MGAT5: variants seen among roughly 807,000 people sequenced by gnomAD.
MGAT5 encodes the protein alpha-1,6-mannosylglycoprotein 6-beta-N-acetylglucosaminyltransferase A.
Under a neutral mutation model 94.3 loss-of-function variants are expected in MGAT5, and 30 were observed. That is an observed-to-expected ratio of 0.32 (90% CI 0.24 to 0.43). The LOEUF (loss-of-function observed/expected upper bound fraction) is 0.43, where lower values mean the gene tolerates loss of function less well. MGAT5 is among the 20% of genes least tolerant of loss of function. The pLI, the probability that MGAT5 is intolerant of heterozygous loss-of-function variation, is 1.00. For missense variants in MGAT5, 691 were observed against 905.5 expected, an observed-to-expected ratio of 0.76 and a Z score of 3.04; for synonymous variants, 310 against 322.9, an observed-to-expected ratio of 0.96 and a Z score of 0.43.
At chr2:134,186,025 G>C (rs780006536) in intron 1 of MGAT5, among the ~76,000 whole-genome samples, 1 of 152,248 alleles carries the variant, frequency 6.6e-6, no homozygotes. Flanking sequence ...AGAGGCACCT[G>C]TGTGGGGCTT....
intron 1 of MGAT5, among the ~76,000 whole-genome samples, chr2:134,161,162 G>T (rs1402387171): frequency 4.6e-5 from 7 of 152,208 alleles, no homozygotes; most frequent in East Asian, 1.9e-4. Flanking sequence ...AAGGACAGAC[G>T]TTGTCACCAT....
In MGAT5 at chr2:134,451,565, G is replaced by A. The variant is rs1326835603; in HGVS notation, c.*2718G>A. Reference sequence around the variant, plus strand: ...GAAGGTGCCCCTGTGTGGGCTGGAAGCCTGCGGAGGTTTTGCCATTGCTGA... The same window carrying A: ...GAAGGTGCCCCTGTGTGGGCTGGAAACCTGCGGAGGTTTTGCCATTGCTGA... On this transcript the variant is annotated 3_prime_UTR_variant, in exon 16 of 16. Coordinates refer to ENST00000281923, the MANE Select transcript of MGAT5 (RefSeq NM_002410.5). 6.6e-6 allele frequency: 1 copy of A among 152,292 alleles called. No homozygotes were observed. The highest frequency in any genetic ancestry group is 2.4e-5 in the African/African-American group (1 of 41,472). The allele number at this position is 152,292 out of a possible 1,614,324, so 9.4% of individuals were successfully genotyped here. A position where few individuals can be genotyped will look rare whatever the true frequency, so the allele number is the denominator to read the frequency against.
intron 1 of MGAT5, among the ~76,000 whole-genome samples, chr2:134,266,547 CTG>C (rs1300266671): frequency 6.6e-6 from 1 of 152,230 alleles, no homozygotes; most frequent in Non-Finnish European, 1.5e-5. Flanking sequence ...TGTGATAAAA[CTG>C]TTAACAGTTT....
chr2:134,373,570 A>G (rs1680956766), intron 10 of MGAT5, among the ~76,000 whole-genome samples: 1 of 152,218 alleles, frequency 6.6e-6, no homozygotes, highest in African/African-American at 2.4e-5. Flanking sequence ...CAGAGTTTGG[A>G]TTAGATTTCT....
intron 1 of MGAT5, among the ~76,000 whole-genome samples, chr2:134,135,004 TG>T (rs1375200305): frequency 6.6e-6 from 1 of 152,268 alleles, no homozygotes; most frequent in African/African-American, 2.4e-5. Flanking sequence ...GCACATCACC[TG>T]TATCAGTCCA....
intron 2 of MGAT5, among the ~76,000 whole-genome samples, chr2:134,286,890 A>G (rs1259011242): frequency 6.6e-6 from 1 of 152,144 alleles, no homozygotes; most frequent in African/African-American, 2.4e-5. Context: ...AGGCATTATC[A>G]CACCTAGATG....
intron 9 of MGAT5, among the ~76,000 whole-genome samples, chr2:134,351,448 G>A (rs1679376127): frequency 1.3e-5 from 2 of 152,130 alleles, no homozygotes; most frequent in Admixed American, 6.6e-5. Context: ...CCCTACAAGA[G>A]ATAGAGTTTC....
chr2:134,382,176 A>T (rs1681670314), intron 10 of MGAT5, among the ~76,000 whole-genome samples: 4 of 151,944 alleles, frequency 2.6e-5, no homozygotes, highest in Admixed American at 2.6e-4. Context: ...GGTCACTTGA[A>T]GCCAGGAGTT....
chr2:134,382,773 G>A (rs1050461816), intron 10 of MGAT5, among the ~76,000 whole-genome samples: 1 of 152,210 alleles, frequency 6.6e-6, no homozygotes, highest in African/African-American at 2.4e-5. Context: ...ACAGCCCACT[G>A]AACATTGGGG....
chr2:134,389,622 G>A (rs1320979046), intron 10 of MGAT5, among the ~76,000 whole-genome samples: 1 of 152,180 alleles, frequency 6.6e-6, no homozygotes, highest in African/African-American at 2.4e-5. Context: ...CTAATGGCTT[G>A]GTGGATAACT....
At chr2:134,235,458 C>T (rs1208774121) in intron 1 of MGAT5, among the ~76,000 whole-genome samples, 1 of 152,140 alleles carries the variant, frequency 6.6e-6, no homozygotes, top group Non-Finnish European at 1.5e-5. Context: ...ACGAGTACCT[C>T]AGCTTGATCC....
At position 134,378,617 on chromosome 2, in the gene MGAT5, C is replaced by CTTT. The variant is rs70973450; in HGVS notation, c.1380+16223_1380+16225dup. 1.5e-3 allele frequency among the ~76,000 whole-genome samples: 204 copies of CTTT among 139,824 alleles called. 5 individuals carry two copies. Among genetic ancestry groups the CTTT allele is most frequent in the East Asian group, 2.7e-3 (13 of 4,760 alleles). The allele number at this position is 139,824 out of a possible 152,430, so 91.7% of individuals were successfully genotyped here. A position where few individuals can be genotyped will look rare whatever the true frequency, so the allele number is the denominator to read the frequency against. ...ACAACTCACAGGGTTATCTGGATTA[C>CTTT]TTTTTTTTTTTTTTTTGAGACAGAA... On this transcript the variant is annotated intron_variant, in intron 10 of 15. Transcript: ENST00000281923.
intron 1 of MGAT5, among the ~76,000 whole-genome samples, chr2:134,169,431 CACACACACATAT>C (rs1233273149): frequency 3.8e-4 from 57 of 151,314 alleles, no homozygotes; most frequent in African/African-American, 1.3e-3. Context: ...CACACACACA[CACACACACATAT>C]ATAAAAGATT....
chr2:134,179,431 ATGT>A (rs1688630473), intron 1 of MGAT5, among the ~76,000 whole-genome samples: 1 of 152,214 alleles, frequency 6.6e-6, no homozygotes, highest in Non-Finnish European at 1.5e-5. Flanking sequence ...GTTGGTGAAA[ATGT>A]TGTGACCAGG....
intron 1 of MGAT5, among the ~76,000 whole-genome samples, chr2:134,138,215 C>CG (rs1553483844): frequency 6.7e-6 from 1 of 148,856 alleles, no homozygotes; most frequent in African/African-American, 2.5e-5. Context: ...TATCATTGCC[C>CG]TTTTTTTTTT....
At position 134,317,490 on chromosome 2, in the gene MGAT5, G is replaced by T. The variant is rs752719879; in HGVS notation, c.407-39G>T. 3 of 1,417,434 alleles carry T rather than the reference G, an allele frequency of 2.1e-6. No homozygotes were observed. The South Asian group carries it at 3.9e-5, about 18-fold the overall frequency. 87.8% of individuals were successfully genotyped at this position (1,417,434 alleles called of 1,614,324 possible). A position where few individuals can be genotyped will look rare whatever the true frequency, so the allele number is the denominator to read the frequency against. ...AAGAATGTTAGGCTTGTGTTTTATA[G>T]ATCTCATTGTATCCTTTGTTGTTTT... On this transcript the variant is annotated intron_variant, in intron 2 of 15. Coordinates refer to ENST00000281923, the MANE Select transcript of MGAT5 (RefSeq NM_002410.5).
chr2:134,220,999 C>T (rs935434352), intron 1 of MGAT5, among the ~76,000 whole-genome samples: 1 of 152,166 alleles, frequency 6.6e-6, no homozygotes, highest in Admixed American at 6.5e-5. Context: ...CTTCTCCACC[C>T]CCTTGTCCTG....
chr2:134,400,259 A>C (rs1335848088), intron 10 of MGAT5, among the ~76,000 whole-genome samples: 1 of 152,218 alleles, frequency 6.6e-6, no homozygotes, highest in African/African-American at 2.4e-5. Context: ...GATTCTACTC[A>C]GAACTCTTAC....
chr2:134,358,021 A>G (rs564303001), intron 9 of MGAT5, among the ~76,000 whole-genome samples: 1 of 152,318 alleles, frequency 6.6e-6, no homozygotes, highest in South Asian at 2.1e-4. Context: ...CAAAAACGGC[A>G]TGAATATGAT....
Sources: gnomAD v4.1 joint callset for allele counts (sites outside exome capture counted in the v4.1 genomes callset) on GRCh38, gnomAD v4.1.1 for gene constraint, MANE v1.5 for transcripts, NCBI Gene and HGNC (gene_info 2026-07-23, HGNC 2026-07-21) for gene names.